The following DPYD variants were observed in gnomAD, a reference collection of about 807,000 sequenced individuals.
DPYD encodes the protein dihydropyrimidine dehydrogenase.
In DPYD, 109 loss-of-function variants were observed where a neutral mutation model predicts 116.2. The ratio of observed to expected loss-of-function variants is 0.94; its 90% CI spans 0.80 to 1.10. The LOEUF is 1.10. DPYD is among the 50% of genes least tolerant of loss of function. The pLI, the probability that DPYD is intolerant of heterozygous loss-of-function variation, is 0.00. For missense variants in DPYD, 1,302 were observed against 1,254.5 expected, an observed-to-expected ratio of 1.04 and a Z score of -0.57; for synonymous variants, 440 against 432.0, an observed-to-expected ratio of 1.02 and a Z score of -0.23.
At chr1:97,910,468 A>T (rs1026144462) in intron 1 of DPYD, among the ~76,000 whole-genome samples, 3 of 152,106 alleles carry the variant, frequency 2.0e-5, no homozygotes, top group African/African-American at 7.2e-5. Flanking sequence ...CACATGCTGG[A>T]ACTATTAAAA....
intron 2 of DPYD, among the ~76,000 whole-genome samples, chr1:97,840,242 C>T (rs145373901): frequency 1.4e-3 from 218 of 151,006 alleles, no homozygotes; most frequent in African/African-American, 4.8e-3. Flanking sequence ...TTTAAATGCA[C>T]GACAAAAAAA....
At chr1:97,609,775 A>G (rs989811088) in intron 8 of DPYD, among the ~76,000 whole-genome samples, 1 of 152,016 alleles carries the variant, frequency 6.6e-6, no homozygotes, top group African/African-American at 2.4e-5. Flanking sequence ...TTGGCATACA[A>G]TGCTATGTGG....
At chr1:97,136,284 ATTGTGCTATGCT>A (rs1274186664) in intron 20 of DPYD, among the ~76,000 whole-genome samples, 1 of 152,178 alleles carries the variant, frequency 6.6e-6, no homozygotes, top group African/African-American at 2.4e-5. Context: ...CTGAGCACTC[ATTGTGCTATGCT>A]TTGTGCTAAA....
chr1:97,551,582 T>G (rs1651324472), intron 11 of DPYD, among the ~76,000 whole-genome samples: 1 of 152,026 alleles, frequency 6.6e-6, no homozygotes. Flanking sequence ...ATTCAAAATT[T>G]TATCACTAGG....
chr1:97,918,642 T>C (rs751838987), intron 1 of DPYD, among the ~76,000 whole-genome samples: 5 of 152,176 alleles, frequency 3.3e-5, no homozygotes, highest in Non-Finnish European at 5.9e-5. Flanking sequence ...TATATATACC[T>C]CAATAACTTT....
intron 1 of DPYD, among the ~76,000 whole-genome samples, chr1:97,905,142 G>T (rs1306382521): frequency 1.3e-5 from 2 of 151,938 alleles, no homozygotes; most frequent in Non-Finnish European, 2.9e-5. Flanking sequence ...AACTAGACTA[G>T]AATTGCTTTG....
intron 16 of DPYD, among the ~76,000 whole-genome samples, chr1:97,322,143 G>GT (rs1181443609): frequency 7.0e-6 from 1 of 142,378 alleles, no homozygotes; most frequent in Non-Finnish European, 1.5e-5. Flanking sequence ...TAGATGACGC[G>GT]TTAGTGGGTG....
intron 16 of DPYD, among the ~76,000 whole-genome samples, chr1:97,348,948 C>T (rs1014375645): frequency 6.6e-6 from 1 of 152,144 alleles, no homozygotes; most frequent in African/African-American, 2.4e-5. Flanking sequence ...TAAGGAAAGA[C>T]ACAGTGAGGA....
intron 5 of DPYD, among the ~76,000 whole-genome samples, chr1:97,708,395 T>C (rs1319351151): frequency 6.6e-6 from 1 of 152,118 alleles, no homozygotes; most frequent in African/African-American, 2.4e-5. Flanking sequence ...ATATCATTCG[T>C]TGAAAGGACT....
chr1:97,167,570 T>C (rs1034217145), intron 20 of DPYD, among the ~76,000 whole-genome samples: 2 of 152,178 alleles, frequency 1.3e-5, no homozygotes, highest in Non-Finnish European at 2.9e-5. Context: ...AAGAGTCATT[T>C]TGAATTGGTG....
chr1:97,770,741 A>G (rs1475452974), intron 3 of DPYD, among the ~76,000 whole-genome samples: 1 of 152,202 alleles, frequency 6.6e-6, no homozygotes, highest in African/African-American at 2.4e-5. Context: ...TTTCATTGTA[A>G]CAATTTATTT....
chr1:97,121,861 G>A (rs1652462694), intron 20 of DPYD, among the ~76,000 whole-genome samples: 2 of 152,122 alleles, frequency 1.3e-5, no homozygotes, highest in South Asian at 4.1e-4. Context: ...AATTCAATGA[G>A]GGCCATTATA....
chr1:97,305,125 AC>A, intron 18 of DPYD, 133 bp downstream of exon 18: 3 of 1,298,792 alleles, frequency 2.3e-6, no homozygotes, highest in Non-Finnish European at 3.3e-6. Context: ...TTCTGTCATA[AC>A]TATTAGGAAT....
Position 97,653,114 on chromosome 1 carries a change from A to G in DPYD, c.850+25981T>C, listed in dbSNP as rs140240338. ...TGTCCTCCCTTTGTACGTCACTACAATAATATTTTTCCCCTTAAACACCTA... is the reference window on the plus strand; with the variant it reads ...TGTCCTCCCTTTGTACGTCACTACAGTAATATTTTTCCCCTTAAACACCTA... On this transcript the variant is annotated intron_variant, in intron 8 of 22. Transcript: ENST00000370192. 9.8e-5 allele frequency among the ~76,000 whole-genome samples: 15 copies of G among 152,300 alleles called. No homozygotes were observed. The East Asian group carries it at 2.5e-3, about 26-fold the overall frequency.
intron 21 of DPYD, among the ~76,000 whole-genome samples, chr1:97,098,213 A>G (rs1650405623): frequency 6.6e-6 from 1 of 152,122 alleles, no homozygotes; most frequent in Admixed American, 6.6e-5. Context: ...GAAAACTAGG[A>G]ATTTCATCTT....
At chr1:97,117,477 A>C (rs1652067939) in intron 20 of DPYD, among the ~76,000 whole-genome samples, 1 of 152,206 alleles carries the variant, frequency 6.6e-6, no homozygotes, top group South Asian at 2.1e-4. Flanking sequence ...TTATGTACTA[A>C]TTCAACCTAT....
intron 14 of DPYD, among the ~76,000 whole-genome samples, chr1:97,426,579 A>G (rs1674877144): frequency 6.6e-6 from 1 of 152,078 alleles, no homozygotes; most frequent in Non-Finnish European, 1.5e-5. Flanking sequence ...CAGGAAGAGT[A>G]CTGGATGCAA....
At chr1:97,855,022 G>A (rs922316239) in intron 2 of DPYD, 7 of 152,210 alleles carry the variant, frequency 4.6e-5, no homozygotes, top group Admixed American at 2.6e-4. Flanking sequence ...CAGGGGCCAG[G>A]TGATTCTATT....
chr1:97,117,181 G>T (rs530660700), intron 20 of DPYD, among the ~76,000 whole-genome samples: 1 of 151,860 alleles, frequency 6.6e-6, no homozygotes, highest in South Asian at 2.1e-4. Context: ...TGCAACTCCA[G>T]ACCCCTGGAA....
Sources: gnomAD v4.1 joint callset for allele counts (sites outside exome capture counted in the v4.1 genomes callset) on GRCh38, gnomAD v4.1.1 for gene constraint, MANE v1.5 for transcripts, NCBI Gene and HGNC (gene_info 2026-07-23, HGNC 2026-07-21) for gene names.